The following IGF2BP1 variants were observed in gnomAD, a reference collection of about 807,000 sequenced individuals.
The protein encoded by IGF2BP1 is insulin like growth factor 2 mRNA binding protein 1.
A neutral mutation model predicts 74.9 loss-of-function variants in IGF2BP1; 11 were observed. That is an observed-to-expected ratio of 0.15 (90% CI 0.09 to 0.24). The LOEUF is 0.24. Ranked by LOEUF, IGF2BP1 falls within the 10% of genes least tolerant of loss-of-function variation. IGF2BP1 has a pLI of 1.00. For synonymous variants in IGF2BP1, 287 were observed against 281.8 expected, an observed-to-expected ratio of 1.02 and a Z score of -0.18; for missense variants, 440 against 757.4, an observed-to-expected ratio of 0.58 and a Z score of 4.92.
At chr17:48,999,960 G>T (rs1173909931) in intron 2 of IGF2BP1, among the ~76,000 whole-genome samples, 8 of 149,152 alleles carry the variant, frequency 5.4e-5, no homozygotes, top group African/African-American at 1.8e-4. Flanking sequence ...GTGTGTGTGT[G>T]TGTTCGTGTG....
chr17:49,011,937 T>C (rs1371763091), intron 2 of IGF2BP1, among the ~76,000 whole-genome samples: 1 of 147,658 alleles, frequency 6.8e-6, no homozygotes, highest in African/African-American at 2.5e-5. Flanking sequence ...AGATAGAGTC[T>C]TGCTTTGTCA....
intron 2 of IGF2BP1, among the ~76,000 whole-genome samples, chr17:48,999,691 CAA>C (rs1230119514): frequency 6.6e-6 from 1 of 151,872 alleles, no homozygotes; most frequent in Non-Finnish European, 1.5e-5. Context: ...CTACAACAGG[CAA>C]AGACTTTTTA....
intron 2 of IGF2BP1, among the ~76,000 whole-genome samples, chr17:49,016,056 C>T (rs1392893784): frequency 1.3e-5 from 2 of 152,220 alleles, no homozygotes; most frequent in Non-Finnish European, 1.5e-5. Context: ...AAATTAGAGC[C>T]GCATGCAGTA....
chr17:49,033,939 C>T (rs2041952740), intron 5 of IGF2BP1, among the ~76,000 whole-genome samples: 2 of 151,840 alleles, frequency 1.3e-5, no homozygotes, highest in Admixed American at 6.6e-5. Context: ...CCTGCCTCAG[C>T]CTCTAAAGTA....
In IGF2BP1 at chr17:49,055,145, A is replaced by ATT. The variant is rs1165374687; in HGVS notation, c.*5701_*5702insTT. 63 of 111,354 alleles carry ATT rather than the reference A, an allele frequency of 5.7e-4. 1 individual carries two copies. Among genetic ancestry groups the ATT allele is most frequent in the East Asian group, 8.1e-4 (4 of 4,966 alleles). The allele number at this position is 111,354 out of a possible 1,614,324, so 6.9% of individuals were successfully genotyped here. ...AATACTTTCCAAAAAATAAAATTAA[A>ATT]AAAAAAAAAACCAAAAAAAAAAATT... On this transcript the variant is annotated 3_prime_UTR_variant, in exon 15 of 15. Coordinates refer to ENST00000290341, the MANE Select transcript of IGF2BP1 (RefSeq NM_006546.4).
chr17:49,048,886 C>G (rs1436646930), intron 14 of IGF2BP1, among the ~76,000 whole-genome samples: 1 of 151,954 alleles, frequency 6.6e-6, no homozygotes, highest in Non-Finnish European at 1.5e-5. Flanking sequence ...ATCCTGAAAC[C>G]ACTTCCCCAC....
chr17:49,019,771 T>G (rs896278691), intron 2 of IGF2BP1, among the ~76,000 whole-genome samples: 6 of 150,538 alleles, frequency 4.0e-5, no homozygotes, highest in Non-Finnish European at 8.8e-5. Context: ...TGAGACAGGA[T>G]CTCACTCTCT....
intron 2 of IGF2BP1, among the ~76,000 whole-genome samples, chr17:49,019,188 C>A (rs1227014924): frequency 6.6e-6 from 1 of 152,070 alleles, no homozygotes; most frequent in Non-Finnish European, 1.5e-5. Flanking sequence ...TAGAGAAATA[C>A]CAGTCCCAGG....
At chr17:49,016,824 C>A (rs1197161774) in intron 2 of IGF2BP1, among the ~76,000 whole-genome samples, 1 of 143,734 alleles carries the variant, frequency 7.0e-6, no homozygotes, top group Non-Finnish European at 1.5e-5. Flanking sequence ...CCTGCCCCCC[C>A]GCCTGTCCTC....
intron 1 of IGF2BP1, 108 bp from the exon 2 acceptor site, chr17:48,999,001 C>G (rs2041447816): frequency 2.9e-6 from 2 of 699,194 alleles, no homozygotes; most frequent in South Asian, 1.7e-5. Context: ...CTAGGAAGAT[C>G]TCGAATCCCA....
intron 2 of IGF2BP1, among the ~76,000 whole-genome samples, chr17:49,016,957 A>G (rs952847903): frequency 1.4e-5 from 2 of 143,376 alleles, no homozygotes; most frequent in African/African-American, 5.1e-5. Context: ...GAAGCGTGCC[A>G]GGTCCGCCCC....
intron 2 of IGF2BP1, among the ~76,000 whole-genome samples, chr17:49,019,941 TA>T (rs2041764643): frequency 1.7e-5 from 1 of 58,444 alleles, no homozygotes; most frequent in African/African-American, 9.6e-5. Context: ...TATATATATA[TA>T]TATATATTTA....
At chr17:49,026,739 G>GCCTT (rs1262933635) in intron 4 of IGF2BP1, among the ~76,000 whole-genome samples, 7 of 110,068 alleles carry the variant, frequency 6.4e-5, no homozygotes, top group Admixed American at 5.4e-4. Context: ...CTGCCTTCCT[G>GCCTT]CCTGCCTTCC....
At chr17:49,022,362 A>G (rs2041802686) in intron 2 of IGF2BP1, among the ~76,000 whole-genome samples, 3 of 152,230 alleles carry the variant, frequency 2.0e-5, no homozygotes, top group Admixed American at 1.3e-4. Context: ...AACCGGGCCA[A>G]GGGCTTAAAA....
In IGF2BP1 at chr17:49,043,507, C is replaced by A; in HGVS notation, c.1157C>A (p.Pro386His). The A allele has an allele frequency of 6.2e-7, 1 of 1,614,156 alleles. No homozygotes were observed. The change falls in exon 10 of 15, where the codon CCT (proline) becomes CAT (histidine). Residue 386 changes from proline (P) to histidine (H), a missense_variant. Around this residue, in one of 5 missense-constraint regions of IGF2BP1, gnomAD observed 31 missense variants for 27.0 expected, o/e 1.15. Coordinates refer to ENST00000290341, the MANE Select transcript of IGF2BP1 (RefSeq NM_006546.4). ...FPASSSAVPP[P>H]PSSVTGAAPY... ...GCTTCATCCAGCGCAGTCCCGCCGC[C>A]TCCCAGCAGCGTTACTGGGGCTGCT...
chr17:49,044,508 C>G (rs1207017357), intron 11 of IGF2BP1, among the ~76,000 whole-genome samples: 1 of 152,232 alleles, frequency 6.6e-6, no homozygotes, highest in African/African-American at 2.4e-5. Flanking sequence ...GTCACCTTCC[C>G]TGGCCAAGGT....
rs762314265 is a variant in IGF2BP1, at chr17:49,034,115, CTTTTTTTTTTTT to C, written c.401+2151_401+2162del. On this transcript the variant is annotated intron_variant, in intron 5 of 14. Coordinates refer to ENST00000290341, the MANE Select transcript of IGF2BP1 (RefSeq NM_006546.4). ...GTTAGAATTATATCATGATTTGCCCCTTTTTTTTTTTTTTTTTTTTGAGATGGAGTCTTGCCC... is the reference window on the plus strand; with the variant it reads ...GTTAGAATTATATCATGATTTGCCCCTTTTTTTTGAGATGGAGTCTTGCCC... 9.1e-3 allele frequency among the ~76,000 whole-genome samples: 1,083 copies of C among 118,420 alleles called. 20 individuals carry two copies. The highest frequency in any genetic ancestry group is 0.034 in the African/African-American group (994 of 29,600). The allele number at this position is 118,420 out of a possible 152,430, so 77.7% of individuals were successfully genotyped here.
intron 2 of IGF2BP1, among the ~76,000 whole-genome samples, chr17:49,006,796 T>C (rs555058591): frequency 6.6e-6 from 1 of 152,276 alleles, no homozygotes; most frequent in Non-Finnish European, 1.5e-5. Flanking sequence ...AAGCCACCTT[T>C]TAGTGGAGAG....
chr17:49,027,362 C>T (rs1397093040), intron 4 of IGF2BP1, among the ~76,000 whole-genome samples: 2 of 152,166 alleles, frequency 1.3e-5, no homozygotes, highest in African/African-American at 2.4e-5. Flanking sequence ...TGAAAAGCTT[C>T]GTGTTTCTTG....
Sources: gnomAD v4.1 joint callset for allele counts (sites outside exome capture counted in the v4.1 genomes callset) on GRCh38, gnomAD v4.1.1 for gene constraint, gnomAD v4.1.1 regional missense constraint, MANE v1.5 for transcripts, NCBI Gene and HGNC (gene_info 2026-07-23, HGNC 2026-07-21) for gene names.